The following LDB2 variants were observed in gnomAD, a reference collection of about 807,000 sequenced individuals.
LDB2 encodes the protein LIM domain binding 2.
Under a neutral mutation model 44.3 loss-of-function variants are expected in LDB2, and 12 were observed. The observed-to-expected ratio is 0.27, with a 90% CI of 0.17 to 0.44. The LOEUF is 0.44. LDB2 is among the 20% of genes least tolerant of loss of function. The pLI is 1.00. For missense variants in LDB2, 344 were observed against 473.5 expected (o/e 0.73, Z 2.54); for synonymous variants, 164 against 174.8 (o/e 0.94, Z 0.49).
rs114083924 is a variant in LDB2, at chr4:16,704,387, G to T, written c.235+54771C>A. 6.6e-3 allele frequency among the ~76,000 whole-genome samples: 1,008 copies of T among 152,264 alleles called. 16 individuals are homozygous for T. Among genetic ancestry groups the T allele is most frequent in the African/African-American group, 0.023 (963 of 41,548 alleles). ...ACTTCTACTGTTATTAAGAAGGAAG[G>T]TTTAACTACTAACATTATTGTTAAT... On this transcript the variant is annotated intron_variant, in intron 2 of 7. Transcript: ENST00000304523.
At chr4:16,866,906 G>T (rs971853483) in intron 1 of LDB2, among the ~76,000 whole-genome samples, 41 of 152,166 alleles carry the variant, frequency 2.7e-4, no homozygotes, top group Non-Finnish European at 3.4e-4. Context: ...TTTCTTACAA[G>T]GTGGTGTAGA....
In LDB2 at chr4:16,893,460, G is replaced by A. The variant is rs115964694; in HGVS notation, c.132+4894C>T. On this transcript the variant is annotated intron_variant, in intron 1 of 7. Coordinates refer to ENST00000304523, the MANE Select transcript of LDB2 (RefSeq NM_001290.5). The stretch of plus-strand genomic sequence containing the variant: ...ACATGATGTTACAACGTGAAACCCT[G>A]TGACTAAAGTATATAAAAATGTAGC... 3.3e-3 allele frequency among the ~76,000 whole-genome samples: 509 copies of A among 152,082 alleles called. 2 individuals are homozygous for A. Among genetic ancestry groups the A allele is most frequent in the African/African-American group, 0.011 (476 of 41,492 alleles).
intron 2 of LDB2, among the ~76,000 whole-genome samples, chr4:16,641,469 G>A (rs550867598): frequency 6.6e-6 from 1 of 152,258 alleles, no homozygotes; most frequent in East Asian, 1.9e-4. Flanking sequence ...AGCATGGCAT[G>A]GGTATCTTCT....
intron 2 of LDB2, among the ~76,000 whole-genome samples, chr4:16,642,682 C>T (rs1266809950): frequency 1.3e-5 from 2 of 152,114 alleles, no homozygotes; most frequent in African/African-American, 2.4e-5. Context: ...TTGGAGGTGG[C>T]TCTTGAAAGG....
chr4:16,567,384 GCGCGTGTGTGCA>G lies in LDB2; in HGVS notation c.615+18526_615+18537del, dbSNP rs1463367595. ...AGACATAGAGTGTGTGTGTGTGTGTGCGCGTGTGTGCATGCGTGTGTGTGCATGCGTGTGTGT... is the reference window on the plus strand; with the variant it reads ...AGACATAGAGTGTGTGTGTGTGTGTGTGCGTGTGTGTGCATGCGTGTGTGT... On this transcript the variant is annotated intron_variant, in intron 5 of 7. Coordinates refer to ENST00000304523, the MANE Select transcript of LDB2 (RefSeq NM_001290.5). 6.0e-3 allele frequency among the ~76,000 whole-genome samples: 356 copies of G among 59,570 alleles called. 5 individuals carry two copies. Among genetic ancestry groups the G allele is most frequent in the African/African-American group, 0.014 (333 of 24,436 alleles). The allele number at this position is 59,570 out of a possible 152,430, so 39.1% of individuals were successfully genotyped here. A position where few individuals can be genotyped will look rare whatever the true frequency, so the allele number is the denominator to read the frequency against.
At chr4:16,619,794 C>CGG in intron 2 of LDB2, among the ~76,000 whole-genome samples, 1 of 119,900 alleles carries the variant, frequency 8.3e-6, no homozygotes, top group East Asian at 3.2e-4. Context: ...GTGGATATCT[C>CGG]TGTTTTTTTT....
chr4:16,643,387 T>A (rs1188778851), intron 2 of LDB2, among the ~76,000 whole-genome samples: 1 of 152,260 alleles, frequency 6.6e-6, no homozygotes, highest in Non-Finnish European at 1.5e-5. Flanking sequence ...TGATAATAGT[T>A]CTTTTCTCAC....
At chr4:16,845,008 C>T (rs1786674749) in intron 1 of LDB2, among the ~76,000 whole-genome samples, 1 of 152,206 alleles carries the variant, frequency 6.6e-6, no homozygotes, top group South Asian at 2.1e-4. Flanking sequence ...CTACTGCCCA[C>T]TGGGGGAAAG....
intron 1 of LDB2, among the ~76,000 whole-genome samples, chr4:16,817,963 A>G (rs1319060402): frequency 2.0e-5 from 3 of 152,208 alleles, no homozygotes; most frequent in Admixed American, 2.0e-4. Context: ...AACAACAATT[A>G]TATTCCTAAA....
At chr4:16,692,561 CT>C (rs146043000) in intron 2 of LDB2, among the ~76,000 whole-genome samples, 31 of 151,500 alleles carry the variant, frequency 2.0e-4, no homozygotes, top group South Asian at 4.2e-4. Context: ...AGAAAAAATA[CT>C]TTTTTTTTCC....
chr4:16,635,604 G>C (rs1411142891), intron 2 of LDB2, among the ~76,000 whole-genome samples: 1 of 152,030 alleles, frequency 6.6e-6, no homozygotes, highest in East Asian at 1.9e-4. Context: ...AGATGTGTGG[G>C]GATGTTTTGT....
intron 4 of LDB2, 124 bp downstream of exon 4, chr4:16,588,586 T>A: frequency 1.0e-6 from 1 of 958,064 alleles, no homozygotes; most frequent in South Asian, 1.8e-5. Context: ...TATTTAGAGT[T>A]AATTACCTAA....
rs1002150411 is a variant in LDB2 at position 16,871,912 on chromosome 4, G to A, written c.132+26442C>T. Among the ~76,000 whole-genome samples the A allele has an allele frequency of 7.2e-5, 11 of 152,066 alleles. 1 individual carries two copies. Among genetic ancestry groups the A allele is most frequent in the Admixed American group, 3.9e-4 (6 of 15,260 alleles). ...GCTGGGATTACAGGTGTGAGCTACCGCGCCCAGCCCACATCAGAACTACTC... is the reference window on the plus strand; with the variant it reads ...GCTGGGATTACAGGTGTGAGCTACCACGCCCAGCCCACATCAGAACTACTC... On this transcript the variant is annotated intron_variant, in intron 1 of 7. Transcript: ENST00000304523.
chr4:16,756,898 T>TA lies in LDB2; in HGVS notation c.235+2259dup, dbSNP rs139204870. ...ATGAAAAGTTTTTTCTAGTAAAGGCTAAAAAAAAAACCCTCAGCTAAAATA... is the reference window on the plus strand; with the variant it reads ...ATGAAAAGTTTTTTCTAGTAAAGGCTAAAAAAAAAAACCCTCAGCTAAAATA... On this transcript the variant is annotated intron_variant, in intron 2 of 7. Coordinates refer to ENST00000304523, the MANE Select transcript of LDB2 (RefSeq NM_001290.5). Among the ~76,000 whole-genome samples the TA allele has an allele frequency of 9.0e-4, 130 of 143,708 alleles. 1 individual carries two copies. The highest frequency in any genetic ancestry group is 2.5e-3 in the African/African-American group (97 of 39,360). The allele number at this position is 143,708 out of a possible 152,430, so 94.3% of individuals were successfully genotyped here.
intron 1 of LDB2, among the ~76,000 whole-genome samples, chr4:16,844,249 A>C (rs1283436471): frequency 2.4e-5 from 1 of 42,456 alleles, no homozygotes; most frequent in Admixed American, 2.5e-4. Context: ...CCCTGTCTCC[A>C]AAAAAAAAAA....
intron 1 of LDB2, among the ~76,000 whole-genome samples, chr4:16,841,517 C>T (rs1427931937): frequency 6.6e-6 from 1 of 152,172 alleles, no homozygotes; most frequent in East Asian, 1.9e-4. Flanking sequence ...GAATAAGATT[C>T]TAATTCTCAC....
At chr4:16,743,673 G>A (rs1367329872) in intron 2 of LDB2, among the ~76,000 whole-genome samples, 1 of 152,002 alleles carries the variant, frequency 6.6e-6, no homozygotes, top group African/African-American at 2.4e-5. Flanking sequence ...AAGACCTCCA[G>A]GGATGAAAGC....
intron 5 of LDB2, among the ~76,000 whole-genome samples, chr4:16,525,036 A>G (rs1018792961): frequency 1.8e-4 from 27 of 152,226 alleles, no homozygotes; most frequent in African/African-American, 6.3e-4. Flanking sequence ...ATGTTCCTTG[A>G]GAGCTGTCAG....
intron 2 of LDB2, among the ~76,000 whole-genome samples, chr4:16,720,173 G>A (rs1163298947): frequency 1.3e-5 from 2 of 150,244 alleles, no homozygotes; most frequent in African/African-American, 4.9e-5. Context: ...CCTAATCCAG[G>A]TATATGTTCA....
Sources: allele counts gnomAD v4.1 joint callset (sites outside exome capture counted in the v4.1 genomes callset), GRCh38; gene constraint gnomAD v4.1.1; transcripts MANE v1.5; gene names NCBI Gene and HGNC (gene_info 2026-07-23, HGNC 2026-07-21).